Variants in TCTN2 observed in about 807,000 individuals in gnomAD.
TCTN2 encodes tectonic family member 2.
A neutral mutation model predicts 83.4 loss-of-function variants in TCTN2; 66 were observed. The ratio of observed to expected loss-of-function variants is 0.79; its 90% CI spans 0.65 to 0.97. TCTN2 has a LOEUF of 0.97. Among genes scored for constraint, TCTN2 ranks in the 50% least tolerant of loss-of-function variants. The pLI, the probability that TCTN2 is intolerant of heterozygous loss-of-function variation, is 0.00. For missense variants in TCTN2, 794 were observed against 858.1 expected (o/e 0.93, Z 0.93); for synonymous variants, 301 against 326.7 (o/e 0.92, Z 0.85).
chr12:123,685,437 G>A (rs1014865807), intron 5 of TCTN2, among the ~76,000 whole-genome samples: 1 of 152,024 alleles, frequency 6.6e-6, no homozygotes, highest in Non-Finnish European at 1.5e-5. Flanking sequence ...TTCTTTTTTC[G>A]AGACGGAGTC....
intron 9 of TCTN2, among the ~76,000 whole-genome samples, chr12:123,693,689 G>A (rs1215077861): frequency 1.3e-5 from 2 of 151,540 alleles, no homozygotes; most frequent in Admixed American, 1.3e-4. Flanking sequence ...CCTGACCTCA[G>A]GTGATCCACC....
intron 5 of TCTN2, among the ~76,000 whole-genome samples, chr12:123,681,348 A>T (rs1026273513): frequency 2.6e-5 from 4 of 152,194 alleles, no homozygotes; most frequent in Non-Finnish European, 1.5e-5. Context: ...ATCTATCTTC[A>T]GAACATTTCT....
chr12:123,684,684 G>A (rs1955942081), intron 5 of TCTN2, among the ~76,000 whole-genome samples: 1 of 151,936 alleles, frequency 6.6e-6, no homozygotes, highest in Admixed American at 6.6e-5. Flanking sequence ...ATAGGCGTGA[G>A]CCCCCACACC....
intron 13 of TCTN2, among the ~76,000 whole-genome samples, chr12:123,698,484 C>G (rs753396745): frequency 1.2e-4 from 19 of 152,098 alleles, no homozygotes; most frequent in Non-Finnish European, 2.2e-4. Context: ...ATCACCCAGA[C>G]TGGAGCGCAG....
At chr12:123,702,929 A>G (rs1956188804) in intron 14 of TCTN2, among the ~76,000 whole-genome samples, 1 of 152,204 alleles carries the variant, frequency 6.6e-6, no homozygotes, top group Admixed American at 6.5e-5. Flanking sequence ...GACATAAAAC[A>G]GTGTTACTGA....
intron 3 of TCTN2, among the ~76,000 whole-genome samples, chr12:123,672,629 AG>A (rs1566242372): frequency 6.6e-6 from 1 of 151,288 alleles, no homozygotes; most frequent in African/African-American, 2.4e-5. Flanking sequence ...AGATACTTGG[AG>A]GGGGGTGGGG....
At chr12:123,684,546 A>G (rs10846540) in intron 5 of TCTN2, among the ~76,000 whole-genome samples, 75,435 of 151,268 alleles carry the variant, frequency 0.5, 20,540 homozygotes, top group African/African-American at 0.72. Context: ...GATTACAGGC[A>G]TGCACAACCA....
chr12:123,699,714 G>C lies in TCTN2; in HGVS notation c.1516G>C (p.Val506Leu). Reference sequence around the variant, plus strand: ...CTTACTCTCTTGCAGGGAGAATGCTGTTGAAAGACTTGATTCATTAATACA... The same window carrying C: ...CTTACTCTCTTGCAGGGAGAATGCTCTTGAAAGACTTGATTCATTAATACA... ...ENCTQLRENA[V>L]ERLDSLIQAT... Residue 506 changes from valine (V) to leucine (L), a missense_variant, in exon 14 of 18, where the codon GTT becomes CTT. Transcript: ENST00000303372. 1 of 1,612,876 alleles carries C rather than the reference G, an allele frequency of 6.2e-7. No individual in the cohort carries two copies. The highest frequency in any genetic ancestry group is 1.1e-5 in the South Asian group (1 of 91,064).
chr12:123,696,197 T>C, intron 11 of TCTN2: 1 of 566,708 alleles, frequency 1.8e-6, no homozygotes, highest in Non-Finnish European at 3.2e-6. Flanking sequence ...ACATAGTCTG[T>C]TGTACATAGT....
At chr12:123,696,853 GCACA>G (rs1446582449) in intron 12 of TCTN2, 3 of 549,902 alleles carry the variant, frequency 5.5e-6, no homozygotes, top group Middle Eastern at 5.0e-4. Context: ...TGGTAATTAC[GCACA>G]CCTGCCAGAG....
At chr12:123,701,657 G>GGC in intron 14 of TCTN2, among the ~76,000 whole-genome samples, 1 of 151,834 alleles carries the variant, frequency 6.6e-6, no homozygotes, top group African/African-American at 2.4e-5. Flanking sequence ...GCAGGAGAAT[G>GGC]GTAGGAACCC....
chr12:123,694,925 A>C lies in TCTN2; in HGVS notation c.1183A>C (p.Ser395Arg), dbSNP rs750124513. 1 of 1,613,124 alleles carries C rather than the reference A, an allele frequency of 6.2e-7. No homozygotes were observed. Among genetic ancestry groups the C allele is most frequent in the African/African-American group, 1.3e-5 (1 of 74,924 alleles). The change falls in exon 10 of 18, where the codon AGT (serine) becomes CGT (arginine). Residue 395 changes from serine (S) to arginine (R), a missense_variant. Coordinates refer to ENST00000303372, the MANE Select transcript of TCTN2 (RefSeq NM_024809.5). Reference protein sequence around the residue: ...YIFKWNNNTISEINVKIFRAE... With the variant: ...YIFKWNNNTIREINVKIFRAE... ...TTTCAAATGGAATAATAATACCATC[A>C]GTGAAATAAATGTTAAAATTTTTAG...
chr12:123,689,821 A>G (rs1443370964), intron 7 of TCTN2, among the ~76,000 whole-genome samples: 2 of 152,162 alleles, frequency 1.3e-5, no homozygotes, highest in Non-Finnish European at 2.9e-5. Flanking sequence ...TGAATGAATG[A>G]CAGGGTCTTG....
In TCTN2 at chr12:123,706,965, C is replaced by A. The variant is rs762116763; in HGVS notation, c.1896-20C>A. ...TACTTCTCACTTGTAGTTTTTGTAA[C>A]CCTCTAAAATGTTTTCTAGATTCCA... On this transcript the variant is annotated intron_variant, in intron 16 of 17. Transcript: ENST00000303372. 1.2e-6 allele frequency: 2 copies of A among 1,613,206 alleles called. No individual in the cohort carries two copies. Among genetic ancestry groups the A allele is most frequent in the Non-Finnish European group, 1.7e-6 (2 of 1,179,260 alleles).
chr12:123,672,471 C>T (rs966567251), intron 3 of TCTN2, among the ~76,000 whole-genome samples: 1 of 152,166 alleles, frequency 6.6e-6, no homozygotes, highest in Non-Finnish European at 1.5e-5. Flanking sequence ...CATCGTGGCT[C>T]ACGCCTGTAC....
chr12:123,686,846 C>G lies in TCTN2; in HGVS notation c.575C>G (p.Ser192Ter). ...VRCCCDQECS[S>*]NLTTLFRRSC... ...ATGTTTGTCTTCCAGGAATGCTCATCAAATTTAACAACGCTGTTCAGACGG... is the reference window on the plus strand; with the variant it reads ...ATGTTTGTCTTCCAGGAATGCTCATGAAATTTAACAACGCTGTTCAGACGG... The change falls in exon 6 of 18, where the codon TCA becomes TGA. Residue 192 changes from serine to a stop codon, truncating the protein, a stop_gained. Transcript: ENST00000303372. LOFTEE classifies it high-confidence loss of function. 6.2e-7 allele frequency: 1 copy of G among 1,614,186 alleles called. No individual in the cohort carries two copies. Among genetic ancestry groups the G allele is most frequent in the Non-Finnish European group, 8.5e-7 (1 of 1,180,046 alleles).
intron 2 of TCTN2, 142 bp from the exon 3 acceptor site, chr12:123,671,914 G>T (rs768391547): frequency 5.0e-6 from 4 of 795,348 alleles, no homozygotes; most frequent in Non-Finnish European, 9.1e-6. Context: ...GTTCAGAGAG[G>T]TTGTCACTGT....
chr12:123,678,569 T>A (rs1417714572), intron 4 of TCTN2, among the ~76,000 whole-genome samples: 1 of 152,122 alleles, frequency 6.6e-6, no homozygotes, highest in Admixed American at 6.6e-5. Flanking sequence ...TTTACAGGTG[T>A]GAGCCACCCC....
At chr12:123,679,074 G>A (rs1566246642) in intron 4 of TCTN2, 115 bp from the exon 5 acceptor site, 6 of 893,092 alleles carry the variant, frequency 6.7e-6, no homozygotes, top group Non-Finnish European at 1.1e-5. Context: ...TGGGATTACA[G>A]GCGTGAGCCA....
Sources: allele counts gnomAD v4.1 joint callset (sites outside exome capture counted in the v4.1 genomes callset), GRCh38; gene constraint gnomAD v4.1.1; transcripts MANE v1.5; gene names NCBI Gene and HGNC (gene_info 2026-07-23, HGNC 2026-07-21).